Variants in LSAMP observed in about 807,000 individuals in gnomAD.
The protein encoded by LSAMP is limbic system-associated membrane protein.
LSAMP carries 7 observed loss-of-function variants against 38.6 expected under a neutral mutation model. The observed-to-expected ratio is 0.18, with a 90% confidence interval of 0.10 to 0.34. The LOEUF (loss-of-function observed/expected upper bound fraction) is 0.34. Among genes scored for constraint, LSAMP ranks in the 10% least tolerant of loss-of-function variants. The probability of loss-of-function intolerance (pLI) is 1.00; values close to 1 mark genes in which losing one functional copy is unlikely to be tolerated. For synonymous variants in LSAMP, 154 were observed against 166.8 expected (o/e 0.92, Z 0.59); for missense variants, 313 against 420.0 (o/e 0.75, Z 2.23).
At chr3:116,057,353 T>C (rs1343392767) in intron 2 of LSAMP, among the ~76,000 whole-genome samples, 1 of 152,206 alleles carries the variant, frequency 6.6e-6, no homozygotes, top group Non-Finnish European at 1.5e-5. Flanking sequence ...TGTAGAGTTG[T>C]CTTTCACTTT....
chr3:116,158,461 C>T (rs866178704), intron 1 of LSAMP, among the ~76,000 whole-genome samples: 1 of 152,160 alleles, frequency 6.6e-6, no homozygotes, highest in South Asian at 2.1e-4. Flanking sequence ...AGTATCTGCC[C>T]AAAGTTTACT....
chr3:115,905,351 T>C (rs933757578), intron 3 of LSAMP, among the ~76,000 whole-genome samples: 10 of 151,998 alleles, frequency 6.6e-5, no homozygotes, highest in Non-Finnish European at 1.2e-4. Flanking sequence ...ATACCGATGA[T>C]ATTGGGAAAC....
At chr3:116,038,649 C>G (rs1420583125) in intron 2 of LSAMP, among the ~76,000 whole-genome samples, 1 of 152,182 alleles carries the variant, frequency 6.6e-6, no homozygotes, top group Non-Finnish European at 1.5e-5. Context: ...ACCCGCCTCT[C>G]ATTCTGAGAT....
At chr3:116,427,422 A>G (rs2049216798) in intron 1 of LSAMP, among the ~76,000 whole-genome samples, 1 of 152,216 alleles carries the variant, frequency 6.6e-6, no homozygotes, top group Non-Finnish European at 1.5e-5. Flanking sequence ...GCCCGGCCCA[A>G]GACTCAGCTC....
chr3:116,084,322 C>A (rs1233749181), intron 2 of LSAMP, among the ~76,000 whole-genome samples: 1 of 151,108 alleles, frequency 6.6e-6, no homozygotes, highest in Non-Finnish European at 1.5e-5. Flanking sequence ...GTGAGATGGT[C>A]ATGTTTGTAG....
At chr3:116,247,216 G>A (rs561561321) in intron 1 of LSAMP, among the ~76,000 whole-genome samples, 1 of 152,256 alleles carries the variant, frequency 6.6e-6, no homozygotes, top group East Asian at 1.9e-4. Context: ...TGATATTTAA[G>A]TTGCTTCTGT....
chr3:116,168,931 A>G (rs779947693), intron 1 of LSAMP, among the ~76,000 whole-genome samples: 4 of 152,200 alleles, frequency 2.6e-5, no homozygotes, highest in Admixed American at 6.5e-5. Flanking sequence ...AACCAGGGCT[A>G]GGCACATGCC....
At chr3:115,938,717 A>G (rs964438872) in intron 3 of LSAMP, among the ~76,000 whole-genome samples, 1 of 152,208 alleles carries the variant, frequency 6.6e-6, no homozygotes, top group Non-Finnish European at 1.5e-5. Flanking sequence ...AAATGTAGAC[A>G]TGTCAATATA....
rs568585781 is a variant in LSAMP at position 116,407,768 on chromosome 3, C to T, written c.155+37109G>A. On this transcript the variant is annotated intron_variant, in intron 1 of 6. Coordinates refer to ENST00000490035, the MANE Select transcript of LSAMP (RefSeq NM_002338.5). ...AGCATGACAGGAACAATCTAGAGGC[C>T]AGTGTCTACTAAACCCAGCTTCCCA... 8.5e-5 allele frequency among the ~76,000 whole-genome samples: 13 copies of T among 152,080 alleles called. No individual in the cohort carries two copies. The East Asian group carries it at 1.2e-3, about 14-fold the overall frequency.
chr3:116,444,634 C>T (rs1015489420), intron 1 of LSAMP, among the ~76,000 whole-genome samples: 9 of 151,830 alleles, frequency 5.9e-5, no homozygotes, highest in African/African-American at 2.2e-4. Flanking sequence ...CAACATTTAA[C>T]CAACACCACT....
chr3:116,174,289 T>G (rs1007058476), intron 1 of LSAMP, among the ~76,000 whole-genome samples: 1 of 151,900 alleles, frequency 6.6e-6, no homozygotes, highest in African/African-American at 2.4e-5. Flanking sequence ...CCCAAAATAT[T>G]CTGCAAGCCA....
intron 3 of LSAMP, among the ~76,000 whole-genome samples, chr3:115,917,959 T>C (rs1286114684): frequency 6.6e-6 from 1 of 152,212 alleles, no homozygotes; most frequent in Non-Finnish European, 1.5e-5. Context: ...CTGTTTCAAA[T>C]TGAAACAGTC....
intron 1 of LSAMP, among the ~76,000 whole-genome samples, chr3:116,429,100 A>C (rs2049243794): frequency 6.6e-6 from 1 of 152,246 alleles, no homozygotes; most frequent in South Asian, 2.1e-4. Context: ...CTGGCCCCAC[A>C]GACAAAGCTG....
chr3:116,162,185 T>G (rs939122751), intron 1 of LSAMP, among the ~76,000 whole-genome samples: 3 of 152,202 alleles, frequency 2.0e-5, no homozygotes, highest in East Asian at 1.9e-4. Context: ...CAAACTAAAA[T>G]CTTAGGCAAG....
intron 3 of LSAMP, among the ~76,000 whole-genome samples, chr3:115,865,614 T>C (rs945445289): frequency 2.0e-5 from 3 of 152,132 alleles, no homozygotes; most frequent in African/African-American, 7.2e-5. Context: ...TATATAATAA[T>C]CACACTGGAA....
intron 1 of LSAMP, among the ~76,000 whole-genome samples, chr3:116,194,488 G>A (rs1200549299): frequency 2.0e-5 from 3 of 152,076 alleles, no homozygotes; most frequent in South Asian, 2.1e-4. Flanking sequence ...TCCGCCTCCC[G>A]GGTTCACGCC....
chr3:116,134,338 CT>C (rs1171809562), intron 1 of LSAMP, among the ~76,000 whole-genome samples: 8 of 152,104 alleles, frequency 5.3e-5, no homozygotes, highest in Admixed American at 2.6e-4. Flanking sequence ...ACCATCTTTT[CT>C]CTTCCCAGCA....
At chr3:116,172,409 TCTTA>T (rs1396357829) in intron 1 of LSAMP, among the ~76,000 whole-genome samples, 4 of 151,880 alleles carry the variant, frequency 2.6e-5, no homozygotes, top group Admixed American at 2.6e-4. Flanking sequence ...TGTCAGTGTC[TCTTA>T]CTTCTTCTGG....
intron 1 of LSAMP, among the ~76,000 whole-genome samples, chr3:116,106,323 T>A (rs1456946471): frequency 2.0e-5 from 3 of 151,906 alleles, no homozygotes; most frequent in Admixed American, 2.0e-4. Flanking sequence ...TTGAGAATGG[T>A]GAATAGGAGT....
Sources: gnomAD v4.1 joint callset for allele counts (sites outside exome capture counted in the v4.1 genomes callset) on GRCh38, gnomAD v4.1.1 for gene constraint, MANE v1.5 for transcripts, NCBI Gene and HGNC (gene_info 2026-07-23, HGNC 2026-07-21) for gene names.